CCDC149: variants seen among roughly 807,000 people sequenced by gnomAD.
CCDC149 encodes coiled-coil domain containing 149, also known as coiled-coil domain-containing protein 149.
A neutral mutation model predicts 59.9 loss-of-function variants in CCDC149; 45 were observed. The ratio of observed to expected loss-of-function variants is 0.75; its 90% CI spans 0.59 to 0.96. CCDC149 has a LOEUF of 0.96. Among genes scored for constraint, CCDC149 ranks in the 40% least tolerant of loss-of-function variants. The pLI is 0.00. For missense variants in CCDC149, 584 were observed against 664.7 expected, an observed-to-expected ratio of 0.88 and a Z score of 1.33; for synonymous variants, 245 against 260.6, an observed-to-expected ratio of 0.94 and a Z score of 0.58.
At chr4:24,809,543 C>T (rs1714459497) in intron 12 of CCDC149, among the ~76,000 whole-genome samples, 1 of 152,196 alleles carries the variant, frequency 6.6e-6, no homozygotes, top group Non-Finnish European at 1.5e-5. Flanking sequence ...CCCTTCTGGA[C>T]CTAACCAGCA....
At position 24,822,570 on chromosome 4, in the gene CCDC149, G is replaced by C. The variant is rs1250416835; in HGVS notation, c.969C>G (p.Ile323Met). ...CCAGCTCAGCCACCCGATTCCCTAG[G>C]ATTCTGAAAAAAGGGGAGAAAATGA... The change falls in exon 10 of 13, where the codon ATC (isoleucine) becomes ATG (methionine). Residue 323 changes from isoleucine (I) to methionine (M), a missense_variant. Coordinates refer to ENST00000635206, the MANE Select transcript of CCDC149 (RefSeq NM_001330643.2). The C allele has an allele frequency of 3.3e-6, 5 of 1,532,368 alleles. No individual in the cohort carries two copies. Among genetic ancestry groups the C allele is most frequent in the Non-Finnish European group, 4.4e-6 (5 of 1,139,148 alleles). The allele number at this position is 1,532,368 out of a possible 1,614,324, so 94.9% of individuals were successfully genotyped here. A position where few individuals can be genotyped will look rare whatever the true frequency, so the allele number is the denominator to read the frequency against.
intron 1 of CCDC149, among the ~76,000 whole-genome samples, chr4:24,883,812 C>T (rs979190633): frequency 6.6e-6 from 1 of 152,194 alleles, no homozygotes; most frequent in African/African-American, 2.4e-5. Context: ...GGGACAAGAA[C>T]CGCTTTCCCC....
intron 1 of CCDC149, among the ~76,000 whole-genome samples, chr4:24,968,882 G>A (rs1723881521): frequency 6.6e-6 from 1 of 152,200 alleles, no homozygotes. Context: ...CAATCCATGT[G>A]GTACAACCTC....
intron 12 of CCDC149, among the ~76,000 whole-genome samples, chr4:24,816,153 T>C (rs1715002476): frequency 1.3e-5 from 2 of 152,154 alleles, no homozygotes. Flanking sequence ...AGTGCCGCGA[T>C]CACAGCTCAC....
At chr4:24,894,253 C>T (rs922680878) in intron 1 of CCDC149, among the ~76,000 whole-genome samples, 3 of 152,052 alleles carry the variant, frequency 2.0e-5, no homozygotes, top group Non-Finnish European at 4.4e-5. Flanking sequence ...TGGCACACTG[C>T]AAATGGAAAC....
At chr4:24,865,464 C>T (rs919619441) in intron 3 of CCDC149, among the ~76,000 whole-genome samples, 6 of 152,148 alleles carry the variant, frequency 3.9e-5, no homozygotes, top group African/African-American at 1.4e-4. Flanking sequence ...TTAGCAAGGG[C>T]CCCCTATTCA....
Position 24,974,860 on chromosome 4 carries a change from G to A in CCDC149, c.-65+5209C>T, listed in dbSNP as rs79868130. Among the ~76,000 whole-genome samples, 697 of 152,192 alleles carry A rather than the reference G, an allele frequency of 4.6e-3. 8 individuals carry two copies. The highest frequency in any genetic ancestry group is 0.016 in the African/African-American group (657 of 41,504). On this transcript the variant is annotated intron_variant, in intron 1 of 12. Coordinates refer to the CCDC149 transcript ENST00000389609. ...AGCAGAAGAGAATAGAACCAGGAGA[G>A]GGAGTGAAAGAGGGGTTGAAAGGGG... is the stretch of plus-strand genomic sequence containing the variant.
intron 12 of CCDC149, among the ~76,000 whole-genome samples, chr4:24,809,310 G>A (rs16876143): frequency 0.014 from 2,080 of 152,214 alleles, 49 homozygotes; most frequent in African/African-American, 0.048. Flanking sequence ...TCCTTAATGC[G>A]GACACCTAGT....
rs1714272602 is a variant in CCDC149 at position 24,807,413 on chromosome 4, A to G, written c.*976T>C. On this transcript the variant is annotated 3_prime_UTR_variant, in exon 13 of 13. Coordinates refer to ENST00000635206, the MANE Select transcript of CCDC149 (RefSeq NM_001330643.2). ...CTGTTTCTGTCTTTAAGATTCCCGT[A>G]CTTGGTGGCACAAATGAGGCAGCCT... The G allele has an allele frequency of 6.6e-6, 1 of 152,162 alleles. No individual in the cohort carries two copies. The highest frequency in any genetic ancestry group is 1.5e-5 in the Non-Finnish European group (1 of 68,060). 9.4% of individuals were successfully genotyped at this position (152,162 alleles called of 1,614,324 possible).
chr4:24,885,459 G>A (rs905178935), intron 1 of CCDC149, among the ~76,000 whole-genome samples: 2 of 152,296 alleles, frequency 1.3e-5, no homozygotes, highest in Middle Eastern at 3.4e-3. Context: ...GTTTCTTAAC[G>A]CAGTCTGTGA....
downstream of CCDC149, among the ~76,000 whole-genome samples, chr4:24,804,486 C>T (rs1215575670): frequency 1.8e-5 from 1 of 57,126 alleles, no homozygotes. Flanking sequence ...GTGAGACTCT[C>T]AAAAAAAAAA....
intron 1 of CCDC149, among the ~76,000 whole-genome samples, chr4:24,952,932 C>A (rs571508766): frequency 6.6e-6 from 1 of 151,844 alleles, no homozygotes. Context: ...CATAGAGTAT[C>A]TGTCTTTTCG....
chr4:24,858,874 G>A (rs1301019923), intron 3 of CCDC149, among the ~76,000 whole-genome samples: 2 of 152,160 alleles, frequency 1.3e-5, no homozygotes, highest in African/African-American at 2.4e-5. Context: ...ACCGAGGTAG[G>A]TTAGCCACAT....
At chr4:24,914,193 A>G (rs1722048447), upstream of CCDC149, among the ~76,000 whole-genome samples, 1 of 152,164 alleles carries the variant, frequency 6.6e-6, no homozygotes. Flanking sequence ...TGGCTCTAGC[A>G]TCTTGGAAAT....
intron 1 of CCDC149, among the ~76,000 whole-genome samples, chr4:24,879,829 A>G (rs954250844): frequency 2.6e-5 from 4 of 152,218 alleles, no homozygotes; most frequent in African/African-American, 9.6e-5. Context: ...CTGCATTCTT[A>G]GCCCATGGTC....
intron 3 of CCDC149, among the ~76,000 whole-genome samples, chr4:24,866,055 A>C (rs1718676140): frequency 6.6e-6 from 1 of 152,230 alleles, no homozygotes; most frequent in African/African-American, 2.4e-5. Flanking sequence ...CTGAGCAACA[A>C]ACCAGGACAT....
At chr4:24,921,166 A>G (rs1473394021) in intron 1 of CCDC149, among the ~76,000 whole-genome samples, 2 of 152,198 alleles carry the variant, frequency 1.3e-5, no homozygotes, top group African/African-American at 2.4e-5. Context: ...AATACTATAA[A>G]TAGCATTTAA....
At chr4:24,872,614 C>T (rs1207338949) in intron 3 of CCDC149, among the ~76,000 whole-genome samples, 1 of 151,482 alleles carries the variant, frequency 6.6e-6, no homozygotes, top group Non-Finnish European at 1.5e-5. Context: ...CAGTATGCAC[C>T]CAGAAAACAG....
intron 3 of CCDC149, among the ~76,000 whole-genome samples, chr4:24,860,589 T>A (rs1718314284): frequency 1.3e-5 from 2 of 152,058 alleles, no homozygotes; most frequent in African/African-American, 4.8e-5. Flanking sequence ...CAAAGATAAA[T>A]AGATGGGACT....
Sources: gnomAD v4.1 joint callset for allele counts (sites outside exome capture counted in the v4.1 genomes callset) on GRCh38, gnomAD v4.1.1 for gene constraint, MANE v1.5 for transcripts, NCBI Gene and HGNC (gene_info 2026-07-23, HGNC 2026-07-21) for gene names.